Variants in TNS2 observed in about 807,000 individuals in gnomAD.
TNS2 encodes tensin 2.
Under a neutral mutation model 155.7 loss-of-function variants are expected in TNS2, and 77 were observed. That is an observed-to-expected ratio of 0.49 (90% CI 0.41 to 0.60). TNS2 has a LOEUF of 0.60. Ranked by LOEUF, TNS2 falls within the 20% of genes least tolerant of loss-of-function variation. The pLI, the probability that TNS2 is intolerant of heterozygous loss-of-function variation, is 0.00. For synonymous variants in TNS2, 726 were observed against 763.9 expected (o/e 0.95, Z 0.82); for missense variants, 1,703 against 1,868.8 (o/e 0.91, Z 1.64).
chr12:53,052,751 G>A (rs569905630), intron 3 of TNS2, among the ~76,000 whole-genome samples: 2 of 148,800 alleles, frequency 1.3e-5, no homozygotes, highest in South Asian at 2.2e-4. Context: ...TGCAGCTGGC[G>A]AGAGGATGGG....
chr12:53,052,685 G>A (rs1343501629), intron 3 of TNS2, among the ~76,000 whole-genome samples, 193 bp downstream of exon 3: 1 of 151,754 alleles, frequency 6.6e-6, no homozygotes, highest in Non-Finnish European at 1.5e-5. Flanking sequence ...TGGAGGGCTG[G>A]CCAGCCCAGG....
rs1161483778 is a variant in TNS2, at chr12:53,054,558, G to T, written c.522+117G>T. The T allele has an allele frequency of 6.6e-6, 8 of 1,215,378 alleles. No individual in the cohort carries two copies. In the African/African-American group the frequency reaches 1.2e-4, roughly 19 times the overall value. 75.3% of individuals were successfully genotyped at this position (1,215,378 alleles called of 1,614,324 possible). ...GGCCGCCAGGGGGCGGGACCAGAGT[G>T]GTGGGGTGGGGGCGGGGCCCGGAGC... On this transcript the variant is annotated intron_variant, in intron 7 of 28. Coordinates refer to ENST00000314250, the MANE Select transcript of TNS2 (RefSeq NM_170754.4).
chr12:53,061,254 C>G lies in TNS2; in HGVS notation c.3348C>G (p.Pro1116=). ...CACCTCTGCTCTCAGATAATGTCCC[C>G]CAAACCCCAGGTATAAAGGCCTTGA... is the stretch of plus-strand genomic sequence containing the variant. ...TFAPLLSDNV[P]QTPEPPTQES... Residue 1116 remains proline, a synonymous_variant, in exon 20 of 29, where the codon CCC becomes CCG. Coordinates refer to ENST00000314250, the MANE Select transcript of TNS2 (RefSeq NM_170754.4). 6.4e-7 allele frequency: 1 copy of G among 1,570,706 alleles called. No homozygotes were observed. The highest frequency in any genetic ancestry group is 8.6e-7 in the Non-Finnish European group (1 of 1,158,442).
chr12:53,047,535 G>C (rs1943769996), upstream of TNS2, among the ~76,000 whole-genome samples: 1 of 150,104 alleles, frequency 6.7e-6, no homozygotes, highest in Admixed American at 6.6e-5. Context: ...GGCTGGCCGC[G>C]GAGAGCTGGG....
Position 53,054,286 on chromosome 12 carries a change from C to G in TNS2, c.367C>G (p.Pro123Ala), listed in dbSNP as rs1169343951. Residue 123 changes from proline to alanine, a missense_variant, in exon 7 of 29, where the codon CCG becomes GCG. Coordinates refer to ENST00000314250, the MANE Select transcript of TNS2 (RefSeq NM_170754.4). Reference sequence around the variant, plus strand: ...CCTCCCCAGGAGCTTCAGCCTGGACCCGCTCATGGAGCGGCGCTGGGACTT... The same window carrying G: ...CCTCCCCAGGAGCTTCAGCCTGGACGCGCTCATGGAGCGGCGCTGGGACTT... ...STLPRSFSLD[P>A]LMERRWDLDL... The G allele has an allele frequency of 2.5e-6, 4 of 1,613,142 alleles. No homozygotes were observed. The highest frequency in any genetic ancestry group is 3.4e-6 in the Non-Finnish European group (4 of 1,179,908).
chr12:53,060,326 G>T lies in TNS2; in HGVS notation c.2617+68G>T. The T allele has an allele frequency of 6.4e-7, 1 of 1,564,710 alleles. No homozygotes were observed. On this transcript the variant is annotated intron_variant, in intron 18 of 28. Transcript: ENST00000314250. The surrounding 1 kb of genome is among the most constrained non-coding windows in gnomAD (Gnocchi z 6.1). The stretch of plus-strand genomic sequence containing the variant: ...TCTGGAAGATGGTGGGGAAGTCAAG[G>T]GGGAACAGGGTGAGAAACAGCTAAG...
Position 53,063,088 on chromosome 12 carries a change from G to T in TNS2, c.3824-1G>T. The T allele has an allele frequency of 6.5e-7, 1 of 1,535,734 alleles. No homozygotes were observed. The stretch of plus-strand genomic sequence containing the variant: ...CCCTGACCCACTCCCTGCCCCTGTA[G>T]CCTGCAGCGTGCTCTACTTGACCTC... On this transcript the variant is annotated splice_acceptor_variant, in intron 25 of 28. Coordinates refer to ENST00000314250, the MANE Select transcript of TNS2 (RefSeq NM_170754.4). LOFTEE classifies it high-confidence loss of function. The surrounding 1 kb of genome is among the most constrained non-coding windows in gnomAD (Gnocchi z 5.6).
rs1432314005 is a variant in TNS2 at position 53,054,361 on chromosome 12, C to A, written c.442C>A (p.Arg148=). ...ERILAAAFPA[R]PDEQRHRGHL... ...CATCTTGGCCGCCGCCTTCCCCGCG[C>A]GGCCCGATGAACAGCGGCACCGGGG... The change falls in exon 7 of 29, where the codon CGG becomes AGG. Residue 148 remains arginine (R), a synonymous_variant. Transcript: ENST00000314250. 1 of 1,612,454 alleles carries A rather than the reference C, an allele frequency of 6.2e-7. No homozygotes were observed.
chr12:53,047,186 C>A, upstream of TNS2: 1 of 147,654 alleles, frequency 6.8e-6, no homozygotes, highest in South Asian at 1.9e-4. Flanking sequence ...CGGGCGCGGG[C>A]GCGGGCGCGG....
chr12:53,057,480 G>A lies in TNS2; in HGVS notation c.846-87G>A, dbSNP rs1026276685. 15 of 1,003,276 alleles carry A rather than the reference G, an allele frequency of 1.5e-5. No homozygotes were observed. In the Admixed American group the frequency reaches 2.1e-4, roughly 14 times the overall value. The allele number at this position is 1,003,276 out of a possible 1,614,324, so 62.1% of individuals were successfully genotyped here. On this transcript the variant is annotated intron_variant, in intron 11 of 28. Transcript: ENST00000314250. Reference sequence around the variant, plus strand: ...GGAAGGAAGTGTTGAGCAGAAGAGCGAGCCTTCTAAGGGTGGATGGTTGAA... The same window carrying A: ...GGAAGGAAGTGTTGAGCAGAAGAGCAAGCCTTCTAAGGGTGGATGGTTGAA...
At position 53,062,202 on chromosome 12, in the gene TNS2, C is replaced by T. The variant is rs148443926; in HGVS notation, c.3624C>T (p.Pro1208=). 1,899 of 1,614,086 alleles carry T rather than the reference C, an allele frequency of 1.2e-3. 34 individuals carry two copies. In the South Asian group the frequency reaches 0.02, roughly 17 times the overall value. Reference sequence around the variant, plus strand: ...GCCATTTCCTCATCGAGACTGGGCCCAAAGGGGTGAAGATCAAGGGCTGCC... The same window carrying T: ...GCCATTTCCTCATCGAGACTGGGCCTAAAGGGGTGAAGATCAAGGGCTGCC... ...LVRHFLIETG[P]KGVKIKGCPS... Residue 1208 remains proline, a synonymous_variant, in exon 23 of 29, where the codon CCC becomes CCT. Coordinates refer to ENST00000314250, the MANE Select transcript of TNS2 (RefSeq NM_170754.4).
chr12:53,063,947 C>A lies in TNS2; in HGVS notation c.*65C>A. ...CCCTCCCAGCACCCCACAGCCCTCA[C>A]ATCCCCTGGCCTGGACCCAGGAGAC... is the stretch of plus-strand genomic sequence containing the variant. On this transcript the variant is annotated 3_prime_UTR_variant, in exon 29 of 29. Coordinates refer to ENST00000314250, the MANE Select transcript of TNS2 (RefSeq NM_170754.4). This position sits in a 1 kb window ranked among gnomAD's most constrained non-coding sequence, Gnocchi z 5.6. 6.3e-7 allele frequency: 1 copy of A among 1,577,906 alleles called. No individual in the cohort carries two copies. Among genetic ancestry groups the A allele is most frequent in the Non-Finnish European group, 8.6e-7 (1 of 1,157,668 alleles).
chr12:53,049,917 C>A, upstream of TNS2: 2 of 777,640 alleles, frequency 2.6e-6, no homozygotes, highest in Non-Finnish European at 3.8e-6. Context: ...AGATCACAGG[C>A]TGACACTCCC....
chr12:53,053,498 G>A (rs1271911197), intron 4 of TNS2, 49 bp downstream of exon 4: 22 of 1,610,556 alleles, frequency 1.4e-5, no homozygotes, highest in Non-Finnish European at 1.7e-5. Flanking sequence ...CCTGGCCATG[G>A]TGTCCAGAGG....
Position 53,064,024 on chromosome 12 carries a change from A to G in TNS2, c.*142A>G, listed in dbSNP as rs1944469439. 6 of 917,634 alleles carry G rather than the reference A, an allele frequency of 6.5e-6. No homozygotes were observed. Among genetic ancestry groups the G allele is most frequent in the African/African-American group, 1.7e-5 (1 of 59,760 alleles). The allele number at this position is 917,634 out of a possible 1,614,324, so 56.8% of individuals were successfully genotyped here. On this transcript the variant is annotated 3_prime_UTR_variant, in exon 29 of 29. Coordinates refer to ENST00000314250, the MANE Select transcript of TNS2 (RefSeq NM_170754.4). ...ATGAGGAGTGGGCATCAGGCCTGGG[A>G]CACTGCTCTCCTTCCCCGCCCCCAG... is the stretch of plus-strand genomic sequence containing the variant.
chr12:53,061,560 T>G (rs1944386484), intron 21 of TNS2, 91 bp downstream of exon 21: 1 of 1,444,768 alleles, frequency 6.9e-7, no homozygotes. Flanking sequence ...AGCTCTTGGC[T>G]CCTCCTGTCT....
rs1944367647 is a variant in TNS2, at chr12:53,061,080, C to T, written c.3174C>T (p.Pro1058=). The T allele has an allele frequency of 1.2e-6, 2 of 1,611,842 alleles. No individual in the cohort carries two copies. ...AGAGCTCACCTACACCTGCTTTCCC[C>T]CTGGCTGCCTCCTATGACACCAATG... The part of the protein sequence containing the change: ...PPQSSPTPAF[P]LAASYDTNGL... The change falls in exon 20 of 29, where the codon CCC becomes CCT. Residue 1058 remains proline (P), a synonymous_variant. Coordinates refer to ENST00000314250, the MANE Select transcript of TNS2 (RefSeq NM_170754.4).
At chr12:53,049,890 G>T (rs1299664413), upstream of TNS2, 2 of 529,318 alleles carry the variant, frequency 3.8e-6, no homozygotes, top group Non-Finnish European at 6.4e-6. Flanking sequence ...CAGAGTTGGG[G>T]GAGTAGGGGG....
Position 53,059,538 on chromosome 12 carries a change from T to C in TNS2, c.1897T>C (p.Tyr633His), listed in dbSNP as rs1258376453. 2.5e-6 allele frequency: 4 copies of C among 1,591,450 alleles called. No homozygotes were observed. The South Asian group carries it at 3.4e-5, about 14-fold the overall frequency. The change falls in exon 18 of 29, where the codon TAC (tyrosine) becomes CAC (histidine). Residue 633 changes from tyrosine (Y) to histidine (H), a missense_variant. Physicochemically the swap from Tyr to His is moderately conservative, Grantham distance 83 (BLOSUM62 2). Transcript: ENST00000314250. This position sits in a 1 kb window ranked among gnomAD's most constrained non-coding sequence, Gnocchi z 4.7. ...YGGYEGSPQG[Y>H]AEASMEKRRL... ...GGGCTATGAGGGATCCCCCCAGGGC[T>C]ACGCCGAGGCCTCGATGGAGAAGAG...
Sources: gnomAD v4.1 joint callset for allele counts (sites outside exome capture counted in the v4.1 genomes callset) on GRCh38, gnomAD v4.1.1 for gene constraint, Gnocchi (gnomAD v3.1) non-coding constraint, MANE v1.5 for transcripts, NCBI Gene and HGNC (gene_info 2026-07-23, HGNC 2026-07-21) for gene names.